CC2D2A: variants seen among roughly 807,000 people sequenced by gnomAD.
CC2D2A encodes coiled-coil and C2 domain containing 2A, also known as coiled-coil and C2 domain-containing protein 2A.
In CC2D2A, 155 loss-of-function variants were observed where a neutral mutation model predicts 212.9. The ratio of observed to expected loss-of-function variants is 0.73; its 90% CI spans 0.64 to 0.83. The LOEUF (loss-of-function observed/expected upper bound fraction) is 0.83, where lower values mean the gene tolerates loss of function less well. CC2D2A is among the 40% of genes least tolerant of loss of function. The pLI is 0.00. For synonymous variants in CC2D2A, 667 were observed against 686.5 expected, an observed-to-expected ratio of 0.97 and a Z score of 0.44; for missense variants, 1,856 against 1,956.2, an observed-to-expected ratio of 0.95 and a Z score of 0.97.
At chr4:15,589,338 T>A (rs1363005376) in intron 32 of CC2D2A, among the ~76,000 whole-genome samples, 1 of 152,148 alleles carries the variant, frequency 6.6e-6, no homozygotes, top group African/African-American at 2.4e-5. Flanking sequence ...TGTACTAGTA[T>A]CAGATGCAAG....
In CC2D2A at chr4:15,522,526, C is replaced by T. The variant is rs538180448; in HGVS notation, c.1150-4921C>T. Among the ~76,000 whole-genome samples, 15 of 149,486 alleles carry T rather than the reference C, an allele frequency of 1.0e-4. No homozygotes were observed. The South Asian group carries it at 3.0e-3, about 30-fold the overall frequency. On this transcript the variant is annotated intron_variant, in intron 11 of 36. Transcript: ENST00000424120. ...TTTGAATGTTTTTTTTTTTTAATTACAGAGGGGGAAAAGGGTAGTTTTTAA... is the reference window on the plus strand; with the variant it reads ...TTTGAATGTTTTTTTTTTTTAATTATAGAGGGGGAAAAGGGTAGTTTTTAA...
intron 29 of CC2D2A, among the ~76,000 whole-genome samples, chr4:15,577,535 T>C (rs895621413): frequency 4.6e-5 from 7 of 152,106 alleles, no homozygotes; most frequent in Admixed American, 6.6e-5. Context: ...AATTCCTGTT[T>C]CACACCATAA....
chr4:15,545,879 C>T (rs567008530), intron 17 of CC2D2A, among the ~76,000 whole-genome samples: 3 of 152,202 alleles, frequency 2.0e-5, no homozygotes, highest in Non-Finnish European at 2.9e-5. Context: ...GAGGCTGAGA[C>T]GGAAGGATAG....
intron 15 of CC2D2A, 31 bp from the exon 16 acceptor site, chr4:15,537,868 G>T: frequency 6.4e-7 from 1 of 1,559,330 alleles, no homozygotes; most frequent in Non-Finnish European, 8.7e-7. Flanking sequence ...CAAAATTCCT[G>T]TTTGATATCA....
At chr4:15,522,038 C>T (rs1188011842) in intron 11 of CC2D2A, among the ~76,000 whole-genome samples, 2 of 152,010 alleles carry the variant, frequency 1.3e-5, no homozygotes, top group Non-Finnish European at 2.9e-5. Flanking sequence ...CCTACCTCTA[C>T]AAAAAATAAA....
intron 16 of CC2D2A, among the ~76,000 whole-genome samples, chr4:15,539,316 T>C (rs971660978): frequency 5.3e-5 from 8 of 152,154 alleles, no homozygotes; most frequent in African/African-American, 1.7e-4. Flanking sequence ...AGGGAGTCCA[T>C]TAAAATCATC....
intron 4 of CC2D2A, among the ~76,000 whole-genome samples, chr4:15,490,644 A>C (rs55771364): frequency 6.6e-6 from 1 of 152,038 alleles, no homozygotes; most frequent in Admixed American, 6.6e-5. Flanking sequence ...TTATGTTTTC[A>C]TTTCTTTTTG....
At chr4:15,506,339 C>T (rs1179295004) in intron 6 of CC2D2A, among the ~76,000 whole-genome samples, 1 of 152,108 alleles carries the variant, frequency 6.6e-6, no homozygotes, top group Non-Finnish European at 1.5e-5. Flanking sequence ...ATCAATACTG[C>T]AATAAATCAC....
intron 33 of CC2D2A, among the ~76,000 whole-genome samples, chr4:15,591,600 A>G (rs977852574): frequency 2.0e-5 from 3 of 152,204 alleles, no homozygotes; most frequent in African/African-American, 4.8e-5. Flanking sequence ...TCTGTCCTTC[A>G]TGTGTTCAGC....
At chr4:15,532,010 C>T (rs779485081) in intron 13 of CC2D2A, among the ~76,000 whole-genome samples, 1 of 152,074 alleles carries the variant, frequency 6.6e-6, no homozygotes, top group Non-Finnish European at 1.5e-5. Flanking sequence ...CTCCAAGCAA[C>T]CCAGTGCAGT....
rs1295889715 is a variant in CC2D2A at position 15,567,457 on chromosome 4, A to C, written c.3263A>C (p.His1088Pro). The C allele has an allele frequency of 6.2e-7, 1 of 1,613,236 alleles. No homozygotes were observed. Among genetic ancestry groups the C allele is most frequent in the Non-Finnish European group, 8.5e-7 (1 of 1,179,666 alleles). ...AASPSTYSPTHNADYPLGQVL... is the reference protein window; with the variant it reads ...AASPSTYSPTPNADYPLGQVL... The stretch of plus-strand genomic sequence containing the variant: ...TCCCCAAGCACGTACAGCCCAACCC[A>C]CAATGCTGACTACCCCCTCGGCCAG... The change falls in exon 25 of 37, where the codon CAC (histidine) becomes CCC (proline). Residue 1088 changes from histidine (H) to proline (P), a missense_variant. Physicochemically the swap from His to Pro is moderately conservative, Grantham distance 77. Transcript: ENST00000424120.
chr4:15,478,922 T>C, intron 3 of CC2D2A, 116 bp downstream of exon 3: 1 of 863,956 alleles, frequency 1.2e-6, no homozygotes. Flanking sequence ...TACCAACTTT[T>C]GGCCTGCTCT....
chr4:15,486,888 A>C (rs1715031337), intron 4 of CC2D2A, among the ~76,000 whole-genome samples: 1 of 151,574 alleles, frequency 6.6e-6, no homozygotes, highest in Non-Finnish European at 1.5e-5. Context: ...TATTTTTTTA[A>C]TTCATCATTG....
intron 22 of CC2D2A, among the ~76,000 whole-genome samples, chr4:15,560,146 A>G (rs1719502147): frequency 1.3e-5 from 2 of 152,180 alleles, no homozygotes; most frequent in Non-Finnish European, 2.9e-5. Flanking sequence ...GTCCTCTGGA[A>G]TTAGGAAGTG....
At chr4:15,524,674 A>G (rs903095996) in intron 11 of CC2D2A, among the ~76,000 whole-genome samples, 14 of 150,948 alleles carry the variant, frequency 9.3e-5, no homozygotes, top group Non-Finnish European at 1.8e-4. Flanking sequence ...GATGGTCTCG[A>G]TCTCCTGACC....
chr4:15,530,818 AC>A (rs1717812691), intron 13 of CC2D2A, among the ~76,000 whole-genome samples: 1 of 151,544 alleles, frequency 6.6e-6, no homozygotes, highest in South Asian at 2.1e-4. Flanking sequence ...AGAACTCCCC[AC>A]CTCAAGCATC....
At chr4:15,533,915 T>C (rs1717984514) in intron 14 of CC2D2A, among the ~76,000 whole-genome samples, 1 of 152,222 alleles carries the variant, frequency 6.6e-6, no homozygotes, top group Non-Finnish European at 1.5e-5. Context: ...CAACTTTACA[T>C]TGCTGATTCC....
At position 15,481,972 on chromosome 4, in the gene CC2D2A, C is replaced by T. The variant is rs959042998; in HGVS notation, c.247+1145C>T. On this transcript the variant is annotated intron_variant, in intron 4 of 36. Transcript: ENST00000424120. ...CCTACACACGCCTTTTCTTCTTCCC[C>T]AGTACAATGAACATTAGGAATTACC... The T allele has an allele frequency of 4.1e-6, 4 of 985,268 alleles. No homozygotes were observed. The African/African-American group carries it at 5.2e-5, about 13-fold the overall frequency. 61.0% of individuals were successfully genotyped at this position (985,268 alleles called of 1,614,324 possible).
chr4:15,546,089 G>A (rs952395240), intron 17 of CC2D2A, among the ~76,000 whole-genome samples: 1 of 151,900 alleles, frequency 6.6e-6, no homozygotes, highest in African/African-American at 2.4e-5. Flanking sequence ...CAGCCTGGGA[G>A]ACAGGGTGAG....
Sources: gnomAD v4.1 joint callset for allele counts (sites outside exome capture counted in the v4.1 genomes callset) on GRCh38, gnomAD v4.1.1 for gene constraint, MANE v1.5 for transcripts, NCBI Gene and HGNC (gene_info 2026-07-23, HGNC 2026-07-21) for gene names.